BICDL1: variants seen among roughly 807,000 people sequenced by gnomAD.
BICDL1 encodes BICD family-like cargo adapter 1.
Under a neutral mutation model 76.8 loss-of-function variants are expected in BICDL1, and 20 were observed. That is an observed-to-expected ratio of 0.26 (90% CI 0.18 to 0.38). The LOEUF (loss-of-function observed/expected upper bound fraction) is 0.38. BICDL1 is among the 10% of genes least tolerant of loss of function. The pLI is 1.00. For synonymous variants in BICDL1, 383 were observed against 337.1 expected (o/e 1.14, Z -1.49); for missense variants, 700 against 798.6 (o/e 0.88, Z 1.49).
At chr12:120,072,929 G>A (rs1230104982) in intron 6 of BICDL1, among the ~76,000 whole-genome samples, 200 bp downstream of exon 6, 1 of 152,170 alleles carries the variant, frequency 6.6e-6, no homozygotes, top group East Asian at 1.9e-4. Context: ...GGAGTGAGGT[G>A]GCACAATCTC....
At chr12:120,011,959 G>A (rs911790608) in intron 2 of BICDL1, among the ~76,000 whole-genome samples, 3 of 152,214 alleles carry the variant, frequency 2.0e-5, no homozygotes, top group East Asian at 1.9e-4. Flanking sequence ...GAGATTGAAC[G>A]AGATGATTCC....
At position 120,029,721 on chromosome 12, in the gene BICDL1, C is replaced by T. The variant is rs1053268685; in HGVS notation, c.645+30985C>T. 3.3e-5 allele frequency among the ~76,000 whole-genome samples: 5 copies of T among 151,980 alleles called. No individual in the cohort carries two copies. In the South Asian group the frequency reaches 6.2e-4, roughly 19 times the overall value. Reference sequence around the variant, plus strand: ...TGTTGCCCAGGCTGGAGTGCAGTGTCGCGATCTCACTGCAGCCTCCACCCG... The same window carrying T: ...TGTTGCCCAGGCTGGAGTGCAGTGTTGCGATCTCACTGCAGCCTCCACCCG... On this transcript the variant is annotated intron_variant, in intron 2 of 9. Coordinates refer to ENST00000548673, the MANE Select transcript of BICDL1 (RefSeq NM_001367886.1).
At chr12:120,064,037 C>G (rs1244031882) in intron 3 of BICDL1, among the ~76,000 whole-genome samples, 2 of 152,234 alleles carry the variant, frequency 1.3e-5, no homozygotes, top group Non-Finnish European at 2.9e-5. Context: ...ACATATCAAC[C>G]TGTTTCATAA....
intron 2 of BICDL1, among the ~76,000 whole-genome samples, chr12:120,011,255 G>A (rs1424139137): frequency 6.6e-6 from 1 of 152,180 alleles, no homozygotes; most frequent in African/African-American, 2.4e-5. Context: ...GCTGGTCAGA[G>A]CTCAGTCACA....
rs567980138 is a variant in BICDL1, at chr12:120,003,514, T to TA, written c.645+4779dup. On this transcript the variant is annotated intron_variant, in intron 2 of 9. Coordinates refer to ENST00000548673, the MANE Select transcript of BICDL1 (RefSeq NM_001367886.1). ...CACTCCTGACTTTCACACTCACTCT[T>TA]ACACTGCGTGTATGCTGTTTGAAAA... Among the ~76,000 whole-genome samples the TA allele has an allele frequency of 3.3e-3, 509 of 152,376 alleles. 17 individuals are homozygous for TA. Among genetic ancestry groups the TA allele is most frequent in the South Asian group, 7.5e-3 (36 of 4,832 alleles).
At chr12:120,045,305 T>G (rs2138826423) in intron 2 of BICDL1, among the ~76,000 whole-genome samples, 1 of 152,208 alleles carries the variant, frequency 6.6e-6, no homozygotes, top group East Asian at 1.9e-4. Context: ...ATAGGAACAC[T>G]TTTACACTGT....
chr12:120,057,818 CTTTTTTTTTTTT>C (rs143777152), intron 2 of BICDL1, among the ~76,000 whole-genome samples: 1,014 of 78,356 alleles, frequency 0.013, 24 homozygotes, highest in African/African-American at 0.057. Flanking sequence ...GCGATTCCTG[CTTTTTTTTTTTT>C]TTTTTTTTTT....
At chr12:120,025,878 C>T (rs1952289891) in intron 2 of BICDL1, among the ~76,000 whole-genome samples, 1 of 151,904 alleles carries the variant, frequency 6.6e-6, no homozygotes, top group Non-Finnish European at 1.5e-5. Context: ...TGCTCTGTCA[C>T]CTAGGCTGGA....
chr12:120,018,851 T>G (rs796101789), intron 2 of BICDL1: 4 of 152,080 alleles, frequency 2.6e-5, no homozygotes, highest in African/African-American at 9.6e-5. Context: ...CAAGACCTTC[T>G]TGGCCAACGT....
Position 120,013,439 on chromosome 12 carries a change from A to AGTGTGTGTGTGTGTGTGTGTGT in BICDL1, c.645+14726_645+14747dup, listed in dbSNP as rs35499277. Among the ~76,000 whole-genome samples, 12 of 134,892 alleles carry AGTGTGTGTGTGTGTGTGTGTGT rather than the reference A, an allele frequency of 8.9e-5. No individual in the cohort carries two copies. The East Asian group carries it at 9.1e-4, about 10-fold the overall frequency. 88.5% of individuals were successfully genotyped at this position (134,892 alleles called of 152,430 possible). On this transcript the variant is annotated intron_variant, in intron 2 of 9. Coordinates refer to ENST00000548673, the MANE Select transcript of BICDL1 (RefSeq NM_001367886.1). ...TTGCAGGGACTATGTCTTTAACCAG[A>AGTGTGTGTGTGTGTGTGTGTGT]GTGTGTGTGTGTGTGTGTGTGTGTG... is the stretch of plus-strand genomic sequence containing the variant.
chr12:120,012,158 T>C lies in BICDL1; in HGVS notation c.645+13422T>C, dbSNP rs182803750. ...TCTCCTCTCACCCAAATTTACTCCT[T>C]TGTGTAATGAGAAATAGAGAGAGGT... On this transcript the variant is annotated intron_variant, in intron 2 of 9. Transcript: ENST00000548673. Among the ~76,000 whole-genome samples the C allele has an allele frequency of 1.6e-4, 25 of 152,266 alleles. No homozygotes were observed. The East Asian group carries it at 2.9e-3, about 18-fold the overall frequency.
intron 2 of BICDL1, among the ~76,000 whole-genome samples, chr12:120,014,754 T>C (rs1952026436): frequency 6.6e-6 from 1 of 151,030 alleles, no homozygotes; most frequent in Admixed American, 6.6e-5. Context: ...ATCTCAACAC[T>C]TGGGAGGCCA....
Position 120,036,376 on chromosome 12 carries a change from G to A in BICDL1, c.646-25334G>A, listed in dbSNP as rs73410809. Among the ~76,000 whole-genome samples the A allele has an allele frequency of 5.2e-3, 798 of 152,314 alleles. 8 individuals are homozygous for A. Among genetic ancestry groups the A allele is most frequent in the African/African-American group, 0.018 (766 of 41,568 alleles). On this transcript the variant is annotated intron_variant, in intron 2 of 9. Coordinates refer to ENST00000548673, the MANE Select transcript of BICDL1 (RefSeq NM_001367886.1). Reference sequence around the variant, plus strand: ...CCTTTATGCTAGTTTAATTCTTTCTGCTGCAGTGTAAACCAGCTATACTTT... The same window carrying A: ...CCTTTATGCTAGTTTAATTCTTTCTACTGCAGTGTAAACCAGCTATACTTT...
intron 2 of BICDL1, among the ~76,000 whole-genome samples, chr12:120,006,837 G>A (rs747220191): frequency 3.3e-5 from 5 of 151,938 alleles, no homozygotes; most frequent in African/African-American, 1.2e-4. Context: ...CCAGTGATAT[G>A]TTTTTGGCAG....
Position 120,090,172 on chromosome 12 carries a change from G to C in BICDL1, c.1704+101G>C. The C allele has an allele frequency of 8.5e-6, 12 of 1,407,504 alleles. No homozygotes were observed. In the South Asian group the frequency reaches 1.4e-4, roughly 17 times the overall value. The allele number at this position is 1,407,504 out of a possible 1,614,324, so 87.2% of individuals were successfully genotyped here. On this transcript the variant is annotated intron_variant, in intron 9 of 9. Coordinates refer to ENST00000548673, the MANE Select transcript of BICDL1 (RefSeq NM_001367886.1). ...AGTTTGCCACTGGAGGGTTCCATGT[G>C]ACTGGGTGAACAGCACATCCCAGTC...
intron 2 of BICDL1, among the ~76,000 whole-genome samples, chr12:120,048,483 G>A (rs1319311514): frequency 6.6e-6 from 1 of 152,072 alleles, no homozygotes; most frequent in East Asian, 1.9e-4. Flanking sequence ...TGTTTGAGGT[G>A]TGTCTTCCTC....
At chr12:120,090,940 G>C in intron 9 of BICDL1, 1 of 1,288,718 alleles carries the variant, frequency 7.8e-7, no homozygotes, top group Non-Finnish European at 1.0e-6. Context: ...TTACTATCTG[G>C]CTCCTTTGGT....
At chr12:120,081,475 A>G (rs935169571) in intron 8 of BICDL1, among the ~76,000 whole-genome samples, 2 of 150,904 alleles carry the variant, frequency 1.3e-5, no homozygotes, top group African/African-American at 4.9e-5. Flanking sequence ...CAGCCTCCCA[A>G]GTAGCTGGGA....
chr12:120,048,571 T>A (rs565826576), intron 2 of BICDL1, among the ~76,000 whole-genome samples: 11 of 152,314 alleles, frequency 7.2e-5, no homozygotes, highest in African/African-American at 2.6e-4. Context: ...GTGATTTGCT[T>A]TTCCATTTTT....
Sources: gnomAD v4.1 joint callset for allele counts (sites outside exome capture counted in the v4.1 genomes callset) on GRCh38, gnomAD v4.1.1 for gene constraint, MANE v1.5 for transcripts, NCBI Gene and HGNC (gene_info 2026-07-23, HGNC 2026-07-21) for gene names.